Variants in PTPRD observed in about 807,000 individuals in gnomAD.
The protein encoded by PTPRD is protein tyrosine phosphatase receptor type D.
A neutral mutation model predicts 214.5 loss-of-function variants in PTPRD; 34 were observed. The observed-to-expected ratio is 0.16, with a 90% confidence interval of 0.12 to 0.21. PTPRD has a LOEUF of 0.21. Ranked by LOEUF, PTPRD falls within the 10% of genes least tolerant of loss-of-function variation. The probability of loss-of-function intolerance (pLI) is 1.00; values close to 1 mark genes in which losing one functional copy is unlikely to be tolerated. For synonymous variants in PTPRD, 1,128 were observed against 845.7 expected (o/e 1.33, Z -5.79); for missense variants, 2,545 against 2,398.7 (o/e 1.06, Z -1.27).
chr9:10,263,217 C>T (rs188206754), intron 3 of PTPRD, among the ~76,000 whole-genome samples: 8 of 152,226 alleles, frequency 5.3e-5, no homozygotes, highest in African/African-American at 1.9e-4. Flanking sequence ...TAGGGTGTTG[C>T]TGTAAAGTTA....
chr9:8,889,568 G>A (rs77146979), intron 11 of PTPRD, among the ~76,000 whole-genome samples: 2,959 of 152,194 alleles, frequency 0.019, 93 homozygotes, highest in African/African-American at 0.067. Flanking sequence ...CATCACCTGA[G>A]CAGTGTACAC....
chr9:9,982,211 G>A (rs572973658), intron 4 of PTPRD, among the ~76,000 whole-genome samples: 1 of 152,196 alleles, frequency 6.6e-6, no homozygotes, highest in Admixed American at 6.5e-5. Context: ...ACCTTGACAA[G>A]CCTTTTTGAG....
intron 10 of PTPRD, among the ~76,000 whole-genome samples, chr9:9,053,112 C>G (rs1056586543): frequency 6.6e-6 from 1 of 152,188 alleles, no homozygotes; most frequent in African/African-American, 2.4e-5. Flanking sequence ...TAAGCATATT[C>G]ATTTTTGCTT....
chr9:10,234,969 A>C (rs947558155), intron 3 of PTPRD, among the ~76,000 whole-genome samples: 1 of 151,480 alleles, frequency 6.6e-6, no homozygotes, highest in Non-Finnish European at 1.5e-5. Context: ...TTTTAGTGCA[A>C]CATACAATTA....
At chr9:8,431,018 T>C (rs533312646) in intron 35 of PTPRD, among the ~76,000 whole-genome samples, 1 of 152,210 alleles carries the variant, frequency 6.6e-6, no homozygotes, top group Non-Finnish European at 1.5e-5. Flanking sequence ...TTTTCTGTAG[T>C]ACTGTAGTGG....
intron 12 of PTPRD, 92 bp from the exon 13 acceptor site, chr9:8,636,936 CA>C: frequency 1.6e-6 from 2 of 1,263,450 alleles, no homozygotes; most frequent in Admixed American, 4.2e-5. Flanking sequence ...TCCTCAACCA[CA>C]CCGCCATCAA....
At chr9:9,012,080 G>C (rs2099514098) in intron 11 of PTPRD, among the ~76,000 whole-genome samples, 1 of 152,080 alleles carries the variant, frequency 6.6e-6, no homozygotes, top group African/African-American at 2.4e-5. Flanking sequence ...GTTGTGAGAG[G>C]GCCTATGGAA....
At chr9:8,687,340 A>G (rs2097701655) in intron 12 of PTPRD, among the ~76,000 whole-genome samples, 1 of 152,236 alleles carries the variant, frequency 6.6e-6, no homozygotes, top group African/African-American at 2.4e-5. Flanking sequence ...ATTTATGAGG[A>G]ATGAAAAAAC....
intron 2 of PTPRD, among the ~76,000 whole-genome samples, chr9:10,538,239 AAAATAAATAAATAAATAAAT>A (rs139133858): frequency 3.1e-3 from 406 of 130,352 alleles, no homozygotes; most frequent in African/African-American, 8.6e-3. Flanking sequence ...GCCTCATCAT[AAAATAAATAAATAAATAAAT>A]AAATAAATAA....
At chr9:8,738,869 T>A (rs2091178354) in intron 11 of PTPRD, among the ~76,000 whole-genome samples, 1 of 152,172 alleles carries the variant, frequency 6.6e-6, no homozygotes, top group Non-Finnish European at 1.5e-5. Flanking sequence ...ACCCATCCTC[T>A]CAAGTCTAGA....
chr9:10,514,083 C>A (rs2049175973), intron 2 of PTPRD, among the ~76,000 whole-genome samples: 1 of 152,088 alleles, frequency 6.6e-6, no homozygotes, highest in Non-Finnish European at 1.5e-5. Flanking sequence ...ATCCAATCTA[C>A]ATTTTAAATC....
chr9:9,027,302 C>G (rs779718307), intron 10 of PTPRD, among the ~76,000 whole-genome samples: 1 of 151,782 alleles, frequency 6.6e-6, no homozygotes, highest in Non-Finnish European at 1.5e-5. Flanking sequence ...GATAGATATA[C>G]AATGTATATA....
intron 10 of PTPRD, among the ~76,000 whole-genome samples, chr9:9,054,011 T>A (rs943851094): frequency 6.6e-6 from 1 of 152,184 alleles, no homozygotes; most frequent in Non-Finnish European, 1.5e-5. Flanking sequence ...AGACAATTTT[T>A]TCCCTTTAAG....
chr9:9,704,058 T>C (rs1449173133), intron 7 of PTPRD, among the ~76,000 whole-genome samples: 1 of 135,936 alleles, frequency 7.4e-6, no homozygotes, highest in Non-Finnish European at 1.5e-5. Context: ...TAATTTTAGT[T>C]TTTATTTTAA....
Position 9,098,313 on chromosome 9 carries a change from G to A in PTPRD, c.-142-79578C>T, listed in dbSNP as rs140680680. Among the ~76,000 whole-genome samples the A allele has an allele frequency of 3.7e-3, 569 of 152,228 alleles. 1 individual carries two copies. Among genetic ancestry groups the A allele is most frequent in the Non-Finnish European group, 6.2e-3 (421 of 68,016 alleles). The stretch of plus-strand genomic sequence containing the variant: ...TTGTTGTTTCCCGGGCTGAAGTGCA[G>A]TGGTGTGCTGTTGGCTCACTGCAGC... On this transcript the variant is annotated intron_variant, in intron 10 of 45. Coordinates refer to ENST00000381196, the MANE Select transcript of PTPRD (RefSeq NM_002839.4).
At chr9:9,817,578 C>T (rs973985580) in intron 5 of PTPRD, among the ~76,000 whole-genome samples, 2 of 152,130 alleles carry the variant, frequency 1.3e-5, no homozygotes, top group Admixed American at 6.5e-5. Context: ...CAGATAGGTC[C>T]ATAAAAAACT....
chr9:9,626,950 T>C (rs1262788951), intron 7 of PTPRD, among the ~76,000 whole-genome samples: 2 of 152,210 alleles, frequency 1.3e-5, no homozygotes, highest in Non-Finnish European at 2.9e-5. Flanking sequence ...TAATTTAATA[T>C]GAATTTCAAG....
intron 9 of PTPRD, among the ~76,000 whole-genome samples, chr9:9,246,655 A>G (rs1211960041): frequency 2.6e-5 from 4 of 151,986 alleles, no homozygotes; most frequent in Non-Finnish European, 2.9e-5. Context: ...AACTGCTCAC[A>G]CCATATAGCA....
chr9:8,989,412 T>C (rs1314141212), intron 11 of PTPRD, among the ~76,000 whole-genome samples: 1 of 152,042 alleles, frequency 6.6e-6, no homozygotes, highest in East Asian at 1.9e-4. Context: ...TCTCTATCTC[T>C]ATGAAATCTA....
Sources: gnomAD v4.1 joint callset for allele counts (sites outside exome capture counted in the v4.1 genomes callset) on GRCh38, gnomAD v4.1.1 for gene constraint, MANE v1.5 for transcripts, NCBI Gene and HGNC (gene_info 2026-07-23, HGNC 2026-07-21) for gene names.